Variants in ELOVL2 observed in about 807,000 individuals in gnomAD.
ELOVL2 encodes very long chain fatty acid elongase 2.
A neutral mutation model predicts 37.7 loss-of-function variants in ELOVL2; 38 were observed. The observed-to-expected ratio is 1.01, with a 90% confidence interval of 0.78 to 1.32. The LOEUF is 1.32. ELOVL2 is among the 40% of genes most tolerant of loss of function. The pLI is 0.00. For missense variants in ELOVL2, 352 were observed against 363.6 expected, an observed-to-expected ratio of 0.97 and a Z score of 0.26; for synonymous variants, 115 against 122.3, an observed-to-expected ratio of 0.94 and a Z score of 0.40.
rs568752256 is a variant in ELOVL2 at position 11,022,798 on chromosome 6, C to T, written c.4-11989G>A. Among the ~76,000 whole-genome samples, 5 of 150,696 alleles carry T rather than the reference C, an allele frequency of 3.3e-5. No individual in the cohort carries two copies. In the South Asian group the frequency reaches 1.0e-3, roughly 31 times the overall value. ...ACCAAGTTTAAGGAAACTCACTTTA[C>T]TAAATAATGACTATCATAAATAGTC... is the stretch of plus-strand genomic sequence containing the variant. On this transcript the variant is annotated intron_variant, in intron 1 of 7. Transcript: ENST00000354666.
chr6:10,994,942 C>T (rs1782237066), intron 5 of ELOVL2, 65 bp downstream of exon 5: 3 of 1,325,120 alleles, frequency 2.3e-6, no homozygotes, highest in East Asian at 2.4e-5. Flanking sequence ...ATGCTTAATA[C>T]AAGACAGCAC....
chr6:11,002,696 C>G (rs561278386), intron 3 of ELOVL2, among the ~76,000 whole-genome samples: 36 of 152,200 alleles, frequency 2.4e-4, no homozygotes, highest in African/African-American at 8.4e-4. Context: ...AACAACTAAA[C>G]GGTTGTTCTT....
intron 1 of ELOVL2, among the ~76,000 whole-genome samples, chr6:11,027,013 T>C (rs1302547789): frequency 6.6e-6 from 1 of 152,234 alleles, no homozygotes; most frequent in African/African-American, 2.4e-5. Context: ...AACACTTAAC[T>C]GTAATCACCA....
intron 1 of ELOVL2, among the ~76,000 whole-genome samples, chr6:11,029,223 C>CAAAAAAAAAAAAAA (rs376639413): frequency 6.6e-5 from 5 of 75,784 alleles, no homozygotes; most frequent in African/African-American, 2.1e-4. Context: ...AGGGAGATCT[C>CAAAAAAAAAAAAAA]AAAAAAAAAA....
intron 7 of ELOVL2, among the ~76,000 whole-genome samples, chr6:10,986,835 C>G (rs965132559): frequency 6.6e-6 from 1 of 152,138 alleles, no homozygotes; most frequent in African/African-American, 2.4e-5. Flanking sequence ...CTCTGCCTGG[C>G]TTTGGTATCA....
chr6:10,989,574 G>A, intron 7 of ELOVL2, 129 bp downstream of exon 7: 1 of 833,652 alleles, frequency 1.2e-6, no homozygotes, highest in Non-Finnish European at 1.9e-6. Flanking sequence ...AGAAGGCGGA[G>A]GTTGCAGTGA....
intron 1 of ELOVL2, among the ~76,000 whole-genome samples, chr6:11,026,400 G>A (rs1007163843): frequency 2.6e-5 from 4 of 152,122 alleles, no homozygotes; most frequent in African/African-American, 9.7e-5. Flanking sequence ...AAGTAGTAGT[G>A]CCGTTTGGGT....
chr6:11,032,127 A>G (rs971402040), intron 1 of ELOVL2, among the ~76,000 whole-genome samples: 28 of 152,280 alleles, frequency 1.8e-4, no homozygotes, highest in African/African-American at 6.0e-4. Flanking sequence ...TAGAGAAGTT[A>G]CTTTTTCTGT....
chr6:11,002,644 A>G (rs1481451226), intron 3 of ELOVL2, among the ~76,000 whole-genome samples: 1 of 152,236 alleles, frequency 6.6e-6, no homozygotes, highest in Admixed American at 6.5e-5. Flanking sequence ...GGCTCAGTGC[A>G]GATACGTTCT....
At chr6:11,010,572 G>C (rs1782557185) in intron 2 of ELOVL2, among the ~76,000 whole-genome samples, 174 bp downstream of exon 2, 3 of 152,182 alleles carry the variant, frequency 2.0e-5, no homozygotes, top group Admixed American at 2.0e-4. Flanking sequence ...AGCAGTAGGA[G>C]AAATGGGATC....
chr6:11,038,434 T>C (rs549286455), intron 1 of ELOVL2, among the ~76,000 whole-genome samples: 162 of 152,036 alleles, frequency 1.1e-3, no homozygotes, highest in South Asian at 4.4e-3. Context: ...TGAGCCAAGA[T>C]TGCGCTACTG....
chr6:11,010,851 C>CTTTTT (rs779779300), intron 1 of ELOVL2, 42 bp from the exon 2 acceptor site: 2 of 1,509,312 alleles, frequency 1.3e-6, no homozygotes, highest in Non-Finnish European at 1.8e-6. Flanking sequence ...TTTTTTTCTT[C>CTTTTT]TTTTTTTGAA....
intron 1 of ELOVL2, among the ~76,000 whole-genome samples, chr6:11,042,077 G>A (rs150205385): frequency 1.3e-5 from 2 of 151,982 alleles, no homozygotes; most frequent in East Asian, 3.9e-4. Context: ...TTGGGAAGCC[G>A]AGGTGGGTGT....
chr6:10,998,436 C>T (rs1782312383), intron 4 of ELOVL2, among the ~76,000 whole-genome samples: 1 of 152,140 alleles, frequency 6.6e-6, no homozygotes, highest in African/African-American at 2.4e-5. Flanking sequence ...AATTCTTTCC[C>T]TCTAATTTTT....
intron 1 of ELOVL2, among the ~76,000 whole-genome samples, chr6:11,025,535 CT>C (rs1782826048): frequency 6.6e-6 from 1 of 152,086 alleles, no homozygotes; most frequent in Non-Finnish European, 1.5e-5. Flanking sequence ...CTTTTGAATG[CT>C]TTTCTTCAGT....
chr6:10,999,276 A>G (rs1782330657), intron 4 of ELOVL2, among the ~76,000 whole-genome samples: 1 of 152,090 alleles, frequency 6.6e-6, no homozygotes, highest in African/African-American at 2.4e-5. Flanking sequence ...TAATTATGTA[A>G]AGCACTCAGT....
intron 3 of ELOVL2, among the ~76,000 whole-genome samples, chr6:11,001,971 G>C (rs1782394275): frequency 6.6e-6 from 1 of 152,164 alleles, no homozygotes; most frequent in African/African-American, 2.4e-5. Context: ...GTACTGCAAT[G>C]ATCTCCTAAC....
chr6:11,022,876 G>A (rs1782786027), intron 1 of ELOVL2, among the ~76,000 whole-genome samples: 1 of 151,958 alleles, frequency 6.6e-6, no homozygotes, highest in African/African-American at 2.4e-5. Context: ...TCAAGTTATG[G>A]CCTTCTCTCC....
chr6:11,024,676 C>A (rs887119414), intron 1 of ELOVL2, among the ~76,000 whole-genome samples: 4 of 152,176 alleles, frequency 2.6e-5, no homozygotes. Flanking sequence ...GGCAGAGTGC[C>A]AATTCATACA....
Sources: gnomAD v4.1 joint callset for allele counts (sites outside exome capture counted in the v4.1 genomes callset) on GRCh38, gnomAD v4.1.1 for gene constraint, MANE v1.5 for transcripts, NCBI Gene and HGNC (gene_info 2026-07-23, HGNC 2026-07-21) for gene names.